The following CD9 variants were observed in gnomAD, a reference collection of about 807,000 sequenced individuals.
The protein encoded by CD9 is CD9 molecule.
Under a neutral mutation model 31.4 loss-of-function variants are expected in CD9, and 10 were observed. The observed-to-expected ratio is 0.32, with a 90% CI of 0.20 to 0.54. CD9 has a LOEUF of 0.54. CD9 is among the 20% of genes least tolerant of loss of function. The pLI is 0.94. For synonymous variants in CD9, 113 were observed against 114.1 expected, an observed-to-expected ratio of 0.99 and a Z score of 0.06; for missense variants, 259 against 300.1, an observed-to-expected ratio of 0.86 and a Z score of 1.01.
chr12:6,202,345 G>A (rs1051096896), intron 1 of CD9, among the ~76,000 whole-genome samples: 3 of 152,084 alleles, frequency 2.0e-5, no homozygotes, highest in African/African-American at 4.8e-5. Context: ...CAGCTGCCAC[G>A]CTTAGCTTCT....
chr12:6,218,844 A>G (rs1041627251), intron 1 of CD9, among the ~76,000 whole-genome samples: 1 of 151,356 alleles, frequency 6.6e-6, no homozygotes, highest in Non-Finnish European at 1.5e-5. Context: ...AGTTTGGGGC[A>G]CTCTTGGGTT....
chr12:6,225,543 C>A lies in CD9; in HGVS notation c.175+9C>A, dbSNP rs567927747. ...TTCCAGCTTCTACACAGGTGAGGGA[C>A]GGGGAAGGCTCAGTGAATTCAGACC... is the stretch of plus-strand genomic sequence containing the variant. On this transcript the variant is annotated intron_variant, in intron 2 of 7. Coordinates refer to ENST00000009180, the MANE Select transcript of CD9 (RefSeq NM_001769.4). The A allele has an allele frequency of 6.5e-7, 1 of 1,541,926 alleles. No individual in the cohort carries two copies. Among genetic ancestry groups the A allele is most frequent in the Non-Finnish European group, 9.0e-7 (1 of 1,114,434 alleles).
chr12:6,232,753 A>T lies in CD9; in HGVS notation c.273+24A>T. 2 of 1,461,152 alleles carry T rather than the reference A, an allele frequency of 1.4e-6. No homozygotes were observed. The highest frequency in any genetic ancestry group is 1.9e-6 in the Non-Finnish European group (2 of 1,076,586). The allele number at this position is 1,461,152 out of a possible 1,614,324, so 90.5% of individuals were successfully genotyped here. On this transcript the variant is annotated intron_variant, in intron 3 of 7. Coordinates refer to ENST00000009180, the MANE Select transcript of CD9 (RefSeq NM_001769.4). This position sits in a 1 kb window ranked among gnomAD's most constrained non-coding sequence, Gnocchi z 4.8. ...TGGTGAGTATCCCCTCGGCATCCCC[A>T]CAGCCACCCTGACTCCCACCAACAA...
At chr12:6,217,622 T>G (rs994928403) in intron 1 of CD9, among the ~76,000 whole-genome samples, 3 of 152,210 alleles carry the variant, frequency 2.0e-5, no homozygotes, top group Admixed American at 6.5e-5. Flanking sequence ...CAGCTCACTA[T>G]TCTTTCTATT....
chr12:6,201,906 C>T (rs990806654), intron 1 of CD9, among the ~76,000 whole-genome samples: 4 of 152,146 alleles, frequency 2.6e-5, no homozygotes, highest in African/African-American at 9.7e-5. Context: ...GGCGTGTTGG[C>T]ATGCACCTGT....
At chr12:6,230,891 G>T (rs1157803262) in intron 2 of CD9, among the ~76,000 whole-genome samples, 1 of 152,240 alleles carries the variant, frequency 6.6e-6, no homozygotes, top group East Asian at 1.9e-4. Flanking sequence ...ACCTCACGAC[G>T]GATGTGGGGG....
chr12:6,235,364 C>T (rs755247666), intron 5 of CD9, 37 bp downstream of exon 5: 1 of 1,614,076 alleles, frequency 6.2e-7, no homozygotes, highest in Non-Finnish European at 8.5e-7. Flanking sequence ...CCTGCGCTTT[C>T]TCCGGATTGT....
chr12:6,200,012 C>G (rs1329215998), upstream of CD9: 3 of 152,216 alleles, frequency 2.0e-5, no homozygotes, highest in Non-Finnish European at 4.4e-5. Flanking sequence ...TCTCCCAAAG[C>G]AGAACGCCCG....
At chr12:6,203,863 G>T (rs1448431132) in intron 1 of CD9, among the ~76,000 whole-genome samples, 1 of 152,136 alleles carries the variant, frequency 6.6e-6, no homozygotes, top group African/African-American at 2.4e-5. Context: ...GAACTCCTTA[G>T]GGCAAAAGAG....
chr12:6,235,637 C>T, intron 6 of CD9, 72 bp downstream of exon 6: 1 of 1,513,496 alleles, frequency 6.6e-7, no homozygotes, highest in South Asian at 1.3e-5. Flanking sequence ...ATGAAAGTGA[C>T]AGCAGCCAAG....
At chr12:6,200,248 C>CG (rs1236894129), upstream of CD9, 220 of 45,674 alleles carry the variant, frequency 4.8e-3, no homozygotes, top group African/African-American at 0.074. Flanking sequence ...GGGCGGGGGG[C>CG]GGGGGGGGTG....
At chr12:6,206,851 C>A (rs935944312) in intron 1 of CD9, among the ~76,000 whole-genome samples, 2 of 151,978 alleles carry the variant, frequency 1.3e-5, no homozygotes, top group Admixed American at 6.6e-5. Context: ...GGAATCAGTA[C>A]GACCTGCCTC....
chr12:6,228,619 C>A (rs975946458), intron 2 of CD9, among the ~76,000 whole-genome samples: 27 of 150,892 alleles, frequency 1.8e-4, no homozygotes, highest in Non-Finnish European at 4.0e-4. Flanking sequence ...TAGGTCTGAG[C>A]TATGCCCTGA....
chr12:6,204,494 C>T (rs944917969), intron 1 of CD9, among the ~76,000 whole-genome samples: 2 of 152,110 alleles, frequency 1.3e-5, no homozygotes, highest in Non-Finnish European at 2.9e-5. Context: ...GAGCAAGAGC[C>T]CAGCTGGTGC....
intron 1 of CD9, among the ~76,000 whole-genome samples, chr12:6,212,689 T>C (rs1007528984): frequency 3.9e-5 from 6 of 152,208 alleles, no homozygotes; most frequent in Admixed American, 6.5e-5. Context: ...TTTTGAGCTT[T>C]ATCTTACAAG....
intron 1 of CD9, among the ~76,000 whole-genome samples, chr12:6,216,499 C>T (rs1448573159): frequency 1.3e-5 from 2 of 152,196 alleles, no homozygotes; most frequent in African/African-American, 4.8e-5. Context: ...AATCCCCTCT[C>T]TCTCTGTTAT....
chr12:6,200,545 G>C lies in CD9; in HGVS notation c.46G>C (p.Gly16Arg). Residue 16 changes from glycine (G) to arginine (R), a missense_variant, in exon 1 of 8, where the codon GGA becomes CGA. Physicochemically the swap from Gly to Arg is moderately radical, Grantham distance 125. Coordinates refer to ENST00000009180, the MANE Select transcript of CD9 (RefSeq NM_001769.4). ...GTKCIKYLLF[G>R]FNFIFWLAGI... ...CAAGTGCATCAAATACCTGCTGTTC[G>C]GATTTAACTTCATCTTCTGGGTGAG... is the stretch of plus-strand genomic sequence containing the variant. 6.2e-7 allele frequency: 1 copy of C among 1,610,112 alleles called. No individual in the cohort carries two copies. The highest frequency in any genetic ancestry group is 8.5e-7 in the Non-Finnish European group (1 of 1,177,290).
chr12:6,206,697 A>G (rs1024019447), intron 1 of CD9, among the ~76,000 whole-genome samples: 1 of 152,162 alleles, frequency 6.6e-6, no homozygotes, highest in Non-Finnish European at 1.5e-5. Context: ...TGATAATTTT[A>G]TAATAATTGT....
chr12:6,235,848 A>G (rs1946513734), intron 6 of CD9: 1 of 1,369,496 alleles, frequency 7.3e-7, no homozygotes. Context: ...TTGGACTCCC[A>G]CTCTGACTTT....
Sources: gnomAD v4.1 joint callset for allele counts (sites outside exome capture counted in the v4.1 genomes callset) on GRCh38, gnomAD v4.1.1 for gene constraint, Gnocchi (gnomAD v3.1) non-coding constraint, MANE v1.5 for transcripts, NCBI Gene and HGNC (gene_info 2026-07-23, HGNC 2026-07-21) for gene names.